The following UNC5A variants were observed in gnomAD, a reference collection of about 807,000 sequenced individuals.
UNC5A encodes the protein netrin receptor UNC5A.
A neutral mutation model predicts 87.4 loss-of-function variants in UNC5A; 20 were observed. The ratio of observed to expected loss-of-function variants is 0.23; its 90% confidence interval spans 0.16 to 0.33. UNC5A has a LOEUF of 0.33. Ranked by LOEUF, UNC5A falls within the 10% of genes least tolerant of loss-of-function variation. The probability of loss-of-function intolerance (pLI) is 1.00; values close to 1 mark genes in which losing one functional copy is unlikely to be tolerated. For missense variants in UNC5A, 844 were observed against 1,133.4 expected, an observed-to-expected ratio of 0.74 and a Z score of 3.67; for synonymous variants, 438 against 482.3, an observed-to-expected ratio of 0.91 and a Z score of 1.20.
At chr5:176,845,448 G>A (rs1757381571) in intron 1 of UNC5A, among the ~76,000 whole-genome samples, 1 of 152,218 alleles carries the variant, frequency 6.6e-6, no homozygotes, top group Admixed American at 6.5e-5. Flanking sequence ...CTTGGCCCCT[G>A]CCCGTTCCCC....
At chr5:176,860,187 G>A (rs531735005) in intron 1 of UNC5A, among the ~76,000 whole-genome samples, 1 of 152,238 alleles carries the variant, frequency 6.6e-6, no homozygotes, top group Non-Finnish European at 1.5e-5. Context: ...TGTGGCACAG[G>A]TGGGCCGGGA....
chr5:176,813,768 G>T (rs1170605110), intron 1 of UNC5A, among the ~76,000 whole-genome samples: 2 of 152,258 alleles, frequency 1.3e-5, no homozygotes, highest in Non-Finnish European at 2.9e-5. Context: ...TCTGGGCCCA[G>T]ACCCGCAGGC....
At position 176,844,634 on chromosome 5, in the gene UNC5A, T is replaced by C. The variant is rs114081618; in HGVS notation, c.71-17990T>C. Among the ~76,000 whole-genome samples, 228 of 152,174 alleles carry C rather than the reference T, an allele frequency of 1.5e-3. No homozygotes were observed. Among genetic ancestry groups the C allele is most frequent in the African/African-American group, 5.3e-3 (220 of 41,498 alleles). On this transcript the variant is annotated intron_variant, in intron 1 of 14. Coordinates refer to ENST00000329542, the MANE Select transcript of UNC5A (RefSeq NM_133369.3). This position sits in a 1 kb window ranked among gnomAD's most constrained non-coding sequence, Gnocchi z 4.2. ...TGGCTTCCAATTCTTCAACAGGAGG[T>C]GGGAAACCATTGTTTCTGTGCAACT...
intron 1 of UNC5A, among the ~76,000 whole-genome samples, chr5:176,843,456 T>C (rs918088511): frequency 5.3e-5 from 8 of 152,034 alleles, no homozygotes; most frequent in African/African-American, 1.9e-4. Context: ...GGAGGGGGGA[T>C]TGGTGCAAAG....
intron 2 of UNC5A, among the ~76,000 whole-genome samples, chr5:176,864,364 C>T (rs890338440): frequency 1.5e-4 from 23 of 152,176 alleles, no homozygotes; most frequent in Admixed American, 1.2e-3. Flanking sequence ...GACACCAGAG[C>T]GGGCTGCGGT....
Position 176,878,094 on chromosome 5 carries a change from C to A in UNC5A, c.1836C>A (p.Val612=). Residue 612 remains valine (V), a synonymous_variant, in exon 11 of 15, where the codon GTC becomes GTA. Coordinates refer to ENST00000329542, the MANE Select transcript of UNC5A (RefSeq NM_133369.3). ...CCTCCCTCGAGTACAACATCCGGGT[C>A]TACTGCCTGCATGACACCCACGATG... ...ACTSLEYNIR[V]YCLHDTHDAL... is the part of the protein sequence containing the mutation. 2 of 1,609,556 alleles carry A rather than the reference C, an allele frequency of 1.2e-6. No individual in the cohort carries two copies. Among genetic ancestry groups the A allele is most frequent in the African/African-American group, 2.7e-5 (2 of 75,050 alleles).
At chr5:176,825,073 G>C (rs142036155) in intron 1 of UNC5A, among the ~76,000 whole-genome samples, 1 of 152,184 alleles carries the variant, frequency 6.6e-6, no homozygotes, top group African/African-American at 2.4e-5. Flanking sequence ...AGTTTGAAGT[G>C]GTGGAGGATA....
chr5:176,840,573 C>G (rs187686175), intron 1 of UNC5A, among the ~76,000 whole-genome samples: 225 of 152,296 alleles, frequency 1.5e-3, no homozygotes, highest in African/African-American at 4.7e-3. Flanking sequence ...TCCATTGGTC[C>G]GGAGCAGAGC....
At chr5:176,835,205 G>T (rs1034938365) in intron 1 of UNC5A, among the ~76,000 whole-genome samples, 1 of 152,276 alleles carries the variant, frequency 6.6e-6, no homozygotes, top group Admixed American at 6.5e-5. Flanking sequence ...TTGTACACCT[G>T]GAGGTGAACA....
rs1757867284 is a variant in UNC5A at position 176,862,615 on chromosome 5, C to G, written c.71-9C>G. On this transcript the variant is annotated splice_polypyrimidine_tract_variant and intron_variant, in intron 1 of 14. Coordinates refer to ENST00000329542, the MANE Select transcript of UNC5A (RefSeq NM_133369.3). ...CCCTGGCTCACCTTCCCCCTCTGCC[C>G]TGCCGCAGGTGCCCAGCAGAGTGCC... The G allele has an allele frequency of 1.9e-6, 3 of 1,612,704 alleles. No homozygotes were observed. The highest frequency in any genetic ancestry group is 1.7e-6 in the Non-Finnish European group (2 of 1,179,678).
intron 1 of UNC5A, among the ~76,000 whole-genome samples, chr5:176,855,827 G>A (rs1334656916): frequency 6.6e-6 from 1 of 152,224 alleles, no homozygotes; most frequent in East Asian, 1.9e-4. Context: ...AGCATCCAGG[G>A]CTCAGGGGTG....
Position 176,858,768 on chromosome 5 carries a change from AAGGAAG to A in UNC5A, c.71-3855_71-3850del, listed in dbSNP as rs1757733946. 2.7e-4 allele frequency among the ~76,000 whole-genome samples: 37 copies of A among 135,864 alleles called. 1 individual carries two copies. The highest frequency in any genetic ancestry group is 4.3e-4 in the Non-Finnish European group (28 of 64,966). The allele number at this position is 135,864 out of a possible 152,430, so 89.1% of individuals were successfully genotyped here. ...GAAGGAAGGAAGGAAGGAAGGAAGG[AAGGAAG>A]GCAAGCAAGCAGGCAGGGAGGGAGG... On this transcript the variant is annotated intron_variant, in intron 1 of 14. Transcript: ENST00000329542.
At position 176,870,515 on chromosome 5, in the gene UNC5A, C is replaced by T; in HGVS notation, c.867C>T (p.Thr289=). The change falls in exon 6 of 15, where the codon ACC becomes ACT. Residue 289 remains threonine, a synonymous_variant. Coordinates refer to ENST00000329542, the MANE Select transcript of UNC5A (RefSeq NM_133369.3). ...CTGACCTGGACACCCGCAACTGTAC[C>T]AGTGACCTCTGTGTACACAGTGAGT... ...QGTDLDTRNC[T]SDLCVHTASG... 2 of 1,603,012 alleles carry T rather than the reference C, an allele frequency of 1.2e-6. No homozygotes were observed. Among genetic ancestry groups the T allele is most frequent in the South Asian group, 2.2e-5 (2 of 90,288 alleles).
intron 1 of UNC5A, among the ~76,000 whole-genome samples, chr5:176,827,179 C>CTTTTTTTTT (rs35306601): frequency 3.7e-5 from 4 of 107,580 alleles, no homozygotes; most frequent in Non-Finnish European, 1.7e-5. Flanking sequence ...TGCTTCATTC[C>CTTTTTTTTT]TTTTTTTTTT....
In UNC5A at chr5:176,877,911, C is replaced by T. The variant is rs201330926; in HGVS notation, c.1653C>T (p.Gly551=). The change falls in exon 11 of 15, where the codon GGC becomes GGT. Residue 551 remains glycine (G), a synonymous_variant. Transcript: ENST00000329542. Reference sequence around the variant, plus strand: ...GCCCACAGGATGTGCTGCACCTGGGCGAGGAGGCGCCCTCCCACCTCTACT... The same window carrying T: ...GCCCACAGGATGTGCTGCACCTGGGTGAGGAGGCGCCCTCCCACCTCTACT... ...EGSWEDVLHL[G]EEAPSHLYYC... is the part of the protein sequence containing the mutation. 39 of 1,601,690 alleles carry T rather than the reference C, an allele frequency of 2.4e-5. No homozygotes were observed. Among genetic ancestry groups the T allele is most frequent in the African/African-American group, 1.3e-4 (10 of 75,036 alleles).
intron 8 of UNC5A, 63 bp from the exon 9 acceptor site, chr5:176,877,129 G>A (rs1307623273): frequency 2.3e-6 from 3 of 1,327,300 alleles, no homozygotes; most frequent in Admixed American, 1.7e-5. Flanking sequence ...TGGAGGGGCT[G>A]TGTGGTGGGG....
chr5:176,863,279 A>C (rs559267097), intron 2 of UNC5A, among the ~76,000 whole-genome samples: 57 of 152,294 alleles, frequency 3.7e-4, no homozygotes, highest in African/African-American at 1.4e-3. Context: ...GGGGAAGTGC[A>C]TCCCAGGCAG....
intron 1 of UNC5A, among the ~76,000 whole-genome samples, chr5:176,814,874 G>A (rs1001704282): frequency 3.3e-5 from 5 of 152,222 alleles, no homozygotes; most frequent in Non-Finnish European, 5.9e-5. Flanking sequence ...GGGACAGGGA[G>A]AGATGTTTGC....
intron 1 of UNC5A, among the ~76,000 whole-genome samples, chr5:176,856,929 CCTCA>C (rs1205425499): frequency 2.0e-5 from 3 of 152,204 alleles, no homozygotes; most frequent in Non-Finnish European, 2.9e-5. Context: ...CACGTCTCGC[CCTCA>C]CTCACTCTGC....
Sources: allele counts gnomAD v4.1 joint callset (sites outside exome capture counted in the v4.1 genomes callset), GRCh38; gene constraint gnomAD v4.1.1; non-coding constraint Gnocchi (gnomAD v3.1); transcripts MANE v1.5; gene names NCBI Gene and HGNC (gene_info 2026-07-23, HGNC 2026-07-21).